Variants in CNTNAP3B observed in about 807,000 individuals in gnomAD.
The protein encoded by CNTNAP3B is contactin-associated protein-like 3B.
Under a neutral mutation model 108.9 loss-of-function variants are expected in CNTNAP3B, and 25 were observed. The ratio of observed to expected loss-of-function variants is 0.23; its 90% CI spans 0.17 to 0.32. The LOEUF is 0.32. CNTNAP3B is among the 10% of genes least tolerant of loss of function. The pLI, the probability that CNTNAP3B is intolerant of heterozygous loss-of-function variation, is 1.00. For synonymous variants in CNTNAP3B, 103 were observed against 473.4 expected, an observed-to-expected ratio of 0.22 and a Z score of 10.16; for missense variants, 252 against 1,210.4, an observed-to-expected ratio of 0.21 and a Z score of 11.75.
intron 15 of CNTNAP3B, among the ~76,000 whole-genome samples, chr9:41,925,708 A>G (rs962082065): frequency 2.0e-5 from 3 of 152,298 alleles, no homozygotes; most frequent in Non-Finnish European, 4.4e-5. Context: ...ATTCTATTCA[A>G]TGGTTTATAC....
intron 15 of CNTNAP3B, among the ~76,000 whole-genome samples, chr9:41,928,579 A>G (rs1588045103): frequency 6.6e-6 from 1 of 152,300 alleles, no homozygotes; most frequent in African/African-American, 2.4e-5. Flanking sequence ...AAGAATGTAC[A>G]GAGAGGCTCA....
intron 1 of CNTNAP3B, among the ~76,000 whole-genome samples, chr9:42,117,583 A>C (rs1828348753): frequency 7.2e-6 from 1 of 139,446 alleles, no homozygotes; most frequent in Non-Finnish European, 1.5e-5. Flanking sequence ...GGAAAGATCT[A>C]AAATTGACAC....
rs898481942 is a variant in CNTNAP3B, at chr9:42,114,402, GC to G, written c.86-9664del. ...ACCAGAACATCTTAGAATTTATTGT[GC>G]CCAAGGAAGGAGCCCTGTCAATAGA... is the stretch of plus-strand genomic sequence containing the variant. On this transcript the variant is annotated intron_variant, in intron 1 of 23. Transcript: ENST00000377561. Among the ~76,000 whole-genome samples, 196 of 130,344 alleles carry G rather than the reference GC, an allele frequency of 1.5e-3. 47 individuals carry two copies. Among genetic ancestry groups the G allele is most frequent in the African/African-American group, 5.9e-3 (189 of 31,780 alleles). The allele number at this position is 130,344 out of a possible 152,430, so 85.5% of individuals were successfully genotyped here. A position where few individuals can be genotyped will look rare whatever the true frequency, so the allele number is the denominator to read the frequency against.
intron 11 of CNTNAP3B, among the ~76,000 whole-genome samples, chr9:41,963,793 G>A (rs1447888233): frequency 4.6e-5 from 7 of 152,418 alleles, no homozygotes; most frequent in African/African-American, 1.7e-4. Flanking sequence ...CCACAAACTA[G>A]CTGGGGGCCA....
chr9:41,958,328 G>T (rs1824940128), intron 12 of CNTNAP3B, among the ~76,000 whole-genome samples: 1 of 152,312 alleles, frequency 6.6e-6, no homozygotes, highest in Non-Finnish European at 1.5e-5. Flanking sequence ...TGTTGTTGTT[G>T]CAGAGGTGGG....
rs1272584596 is a variant in CNTNAP3B at position 41,963,260 on chromosome 9, C to G, written c.1756+1278G>C. Among the ~76,000 whole-genome samples the G allele has an allele frequency of 8.5e-5, 13 of 152,366 alleles. No homozygotes were observed. In the East Asian group the frequency reaches 1.7e-3, roughly 20 times the overall value. Reference sequence around the variant, plus strand: ...AGGAACTCAGGATGAGCAAGTGGAACTGAGGACTTTGCATCTCTGTTTCCT... The same window carrying G: ...AGGAACTCAGGATGAGCAAGTGGAAGTGAGGACTTTGCATCTCTGTTTCCT... On this transcript the variant is annotated intron_variant, in intron 11 of 23. Coordinates refer to ENST00000377561, the MANE Select transcript of CNTNAP3B (RefSeq NM_001201380.3).
At chr9:42,003,818 GTA>G (rs1219241277) in intron 4 of CNTNAP3B, among the ~76,000 whole-genome samples, 1 of 129,360 alleles carries the variant, frequency 7.7e-6, no homozygotes, top group Non-Finnish European at 1.6e-5. Flanking sequence ...TCAGCTGGGT[GTA>G]GTGGTGCATG....
At chr9:42,014,529 G>A (rs1450339963) in intron 3 of CNTNAP3B, among the ~76,000 whole-genome samples, 11 of 119,852 alleles carry the variant, frequency 9.2e-5, no homozygotes, top group African/African-American at 3.0e-4. Context: ...GTTGGCTCAC[G>A]CCTGTAATCC....
chr9:42,097,998 G>A (rs28575859), intron 2 of CNTNAP3B, among the ~76,000 whole-genome samples: 46,132 of 135,938 alleles, frequency 0.34, 12,282 homozygotes, highest in South Asian at 0.42. Flanking sequence ...AGCATGAACT[G>A]TTTCAACAGA....
intron 13 of CNTNAP3B, among the ~76,000 whole-genome samples, chr9:41,949,991 C>T (rs1824629921): frequency 6.6e-6 from 1 of 151,402 alleles, no homozygotes; most frequent in Admixed American, 6.6e-5. Context: ...CAACAAAAGG[C>T]TAGTATCTAG....
Position 42,129,350 on chromosome 9 carries a change from GC to G in CNTNAP3B, c.-257del. ...GGGAGCCTGGGGGCCGCGCGGCGCC[GC>G]CCCAGGCACGGAGGCGGCAGGTTCA... On this transcript the variant is annotated 5_prime_UTR_variant, in exon 1 of 24. Transcript: ENST00000377561. The G allele has an allele frequency of 2.7e-6, 1 of 375,362 alleles. No homozygotes were observed. The highest frequency in any genetic ancestry group is 4.0e-6 in the Non-Finnish European group (1 of 251,784). 23.3% of individuals were successfully genotyped at this position (375,362 alleles called of 1,614,324 possible). A position where few individuals can be genotyped will look rare whatever the true frequency, so the allele number is the denominator to read the frequency against.
At chr9:42,094,547 C>T (rs1827862769) in intron 2 of CNTNAP3B, among the ~76,000 whole-genome samples, 4 of 131,320 alleles carry the variant, frequency 3.0e-5, no homozygotes, top group East Asian at 4.6e-4. Flanking sequence ...CCCAGCTACT[C>T]GGGAGGCTGA....
chr9:42,044,658 A>G (rs1246945374), intron 3 of CNTNAP3B, among the ~76,000 whole-genome samples: 1 of 147,728 alleles, frequency 6.8e-6, no homozygotes. Flanking sequence ...AGATCGGTGA[A>G]TGGGTGAACC....
At chr9:42,051,830 A>G (rs1826966485) in intron 3 of CNTNAP3B, among the ~76,000 whole-genome samples, 1 of 152,120 alleles carries the variant, frequency 6.6e-6, no homozygotes, top group Admixed American at 6.5e-5. Context: ...TCCTTACAAT[A>G]AATAGAAGCC....
At chr9:42,047,526 C>T (rs1826895828) in intron 3 of CNTNAP3B, among the ~76,000 whole-genome samples, 1 of 74,178 alleles carries the variant, frequency 1.3e-5, no homozygotes, top group Non-Finnish European at 2.7e-5. Context: ...AGTTCTGCAG[C>T]CTCCAGCCTG....
intron 12 of CNTNAP3B, among the ~76,000 whole-genome samples, chr9:41,955,160 A>G (rs1420084140): frequency 7.0e-6 from 1 of 143,332 alleles, no homozygotes; most frequent in Non-Finnish European, 1.5e-5. Flanking sequence ...TTCTTGTACA[A>G]TGGGAGAGAA....
At chr9:42,089,587 T>C (rs1475583031) in intron 2 of CNTNAP3B, among the ~76,000 whole-genome samples, 1 of 146,914 alleles carries the variant, frequency 6.8e-6, no homozygotes, top group African/African-American at 2.6e-5. Flanking sequence ...ATAAATATCT[T>C]GATATTGAAA....
intron 3 of CNTNAP3B, among the ~76,000 whole-genome samples, chr9:42,018,683 G>T (rs1826254978): frequency 1.3e-5 from 2 of 151,744 alleles, no homozygotes; most frequent in South Asian, 2.1e-4. Flanking sequence ...GACTGTCAAA[G>T]ACTTCAGCTC....
At chr9:41,963,746 T>C (rs1330038023) in intron 11 of CNTNAP3B, among the ~76,000 whole-genome samples, 3 of 151,352 alleles carry the variant, frequency 2.0e-5, no homozygotes, top group Non-Finnish European at 3.0e-5. Context: ...GAGCCAAGGC[T>C]GTGGAGCCAA....
Sources: gnomAD v4.1 joint callset for allele counts (sites outside exome capture counted in the v4.1 genomes callset) on GRCh38, gnomAD v4.1.1 for gene constraint, MANE v1.5 for transcripts, NCBI Gene and HGNC (gene_info 2026-07-23, HGNC 2026-07-21) for gene names.